Variants in SLCO2A1 observed in about 807,000 individuals in gnomAD.
SLCO2A1 encodes solute carrier organic anion transporter family member 2A1.
A neutral mutation model predicts 71.7 loss-of-function variants in SLCO2A1; 60 were observed. The ratio of observed to expected loss-of-function variants is 0.84; its 90% CI spans 0.68 to 1.04. SLCO2A1 has a LOEUF of 1.04. SLCO2A1 is among the 50% of genes least tolerant of loss of function. The pLI is 0.00. For synonymous variants in SLCO2A1, 308 were observed against 326.7 expected (o/e 0.94, Z 0.62); for missense variants, 745 against 813.4 (o/e 0.92, Z 1.02).
rs78268129 is a variant in SLCO2A1, at chr3:133,947,135, A to C, written c.1295+121T>G. ...GGTGACGGAGCGAGACTCTGTCTCA[A>C]AAAAAAAAAAAAGTGTACAGCAAAG... On this transcript the variant is annotated intron_variant, in intron 9 of 13. Coordinates refer to ENST00000310926, the MANE Select transcript of SLCO2A1 (RefSeq NM_005630.3). The C allele has an allele frequency of 1.2e-5, 7 of 588,862 alleles. No individual in the cohort carries two copies. The East Asian group carries it at 2.9e-4, about 24-fold the overall frequency. The allele number at this position is 588,862 out of a possible 1,614,324, so 36.5% of individuals were successfully genotyped here.
chr3:133,993,242 T>A (rs1341717825), intron 1 of SLCO2A1, among the ~76,000 whole-genome samples: 1 of 152,244 alleles, frequency 6.6e-6, no homozygotes, highest in African/African-American at 2.4e-5. Context: ...ACCAGCTAGG[T>A]CCAGTTCCCG....
At chr3:134,008,234 T>C (rs1935260913) in intron 1 of SLCO2A1, among the ~76,000 whole-genome samples, 1 of 152,246 alleles carries the variant, frequency 6.6e-6, no homozygotes, top group East Asian at 1.9e-4. Flanking sequence ...CAAATCCTTT[T>C]TGCTATCATA....
At chr3:134,022,178 G>A (rs1935602400) in intron 1 of SLCO2A1, among the ~76,000 whole-genome samples, 2 of 151,928 alleles carry the variant, frequency 1.3e-5, no homozygotes. Flanking sequence ...AGAAATATTT[G>A]TAATAAGTCA....
intron 1 of SLCO2A1, among the ~76,000 whole-genome samples, chr3:134,020,322 C>T (rs1375595814): frequency 6.6e-6 from 1 of 152,218 alleles, no homozygotes; most frequent in Admixed American, 6.5e-5. Flanking sequence ...TTGTCTGCGG[C>T]TCATTCTGCT....
chr3:134,009,769 T>C (rs920628893), intron 1 of SLCO2A1, among the ~76,000 whole-genome samples: 3 of 152,246 alleles, frequency 2.0e-5, no homozygotes, highest in Non-Finnish European at 4.4e-5. Context: ...AAATAGGCAG[T>C]TCTGGTGTGT....
At position 133,948,960 on chromosome 3, in the gene SLCO2A1, G is replaced by A. The variant is rs1269363137; in HGVS notation, c.873C>T (p.Ala291=). The change falls in exon 7 of 14, where the codon GCC becomes GCT. Residue 291 remains alanine (A), a synonymous_variant. Transcript: ENST00000310926. ...CCAACTTCCTTGCTTCATCTGCTGT[G>A]GCAGGAGCCCTCTGAAGGCAATAAA... ...AMPIGAKRAP[A]TADEARKLEE... is the part of the protein sequence containing the mutation. The A allele has an allele frequency of 1.3e-5, 21 of 1,614,074 alleles. No individual in the cohort carries two copies. The highest frequency in any genetic ancestry group is 1.8e-5 in the Non-Finnish European group (21 of 1,179,938).
At chr3:134,007,666 C>T (rs187387937) in intron 1 of SLCO2A1, among the ~76,000 whole-genome samples, 1 of 152,218 alleles carries the variant, frequency 6.6e-6, no homozygotes, top group African/African-American at 2.4e-5. Flanking sequence ...TTATTAGTTC[C>T]CTTTTCACCA....
At chr3:134,008,909 G>A (rs969623627) in intron 1 of SLCO2A1, among the ~76,000 whole-genome samples, 7 of 152,214 alleles carry the variant, frequency 4.6e-5, no homozygotes, top group Admixed American at 6.5e-5. Flanking sequence ...TGTGACAACA[G>A]ATGGAAAAAT....
At position 133,938,465 on chromosome 3, in the gene SLCO2A1, CA is replaced by C. The variant is rs1933330366; in HGVS notation, c.1653del (p.Phe551LeufsTer9). On this transcript the variant is annotated frameshift_variant, in exon 12 of 14. Transcript: ENST00000310926. LOFTEE classifies it high-confidence loss of function. The part of the protein sequence containing the change: ...LRVVNQEEKS[F>X]AIGVQFLLMR... ...ATCAACAAGAACTGCACCCCGATGG[CA>C]AATGACTTTTCCTCCTGGTTCACCA... 1 of 1,613,990 alleles carries C rather than the reference CA, an allele frequency of 6.2e-7. No individual in the cohort carries two copies. The highest frequency in any genetic ancestry group is 8.5e-7 in the Non-Finnish European group (1 of 1,180,030).
chr3:134,029,607 G>C (rs1388059210), intron 1 of SLCO2A1, 100 bp downstream of exon 1: 1 of 909,444 alleles, frequency 1.1e-6, no homozygotes, highest in Admixed American at 2.8e-5. Flanking sequence ...GGAGCCCGGG[G>C]CTCCCGGAGC....
intron 1 of SLCO2A1, among the ~76,000 whole-genome samples, chr3:133,994,962 T>C (rs1934932521): frequency 6.6e-6 from 1 of 152,188 alleles, no homozygotes; most frequent in Admixed American, 6.5e-5. Flanking sequence ...TGATCTATTC[T>C]TTAACCAACT....
intron 1 of SLCO2A1, among the ~76,000 whole-genome samples, chr3:133,984,894 G>A (rs1934677599): frequency 6.6e-6 from 1 of 152,284 alleles, no homozygotes; most frequent in South Asian, 2.1e-4. Context: ...GTCTCCTTGA[G>A]CAGCAGGTTT....
intron 3 of SLCO2A1, among the ~76,000 whole-genome samples, chr3:133,966,395 G>A (rs1437607554): frequency 2.6e-5 from 4 of 151,908 alleles, no homozygotes; most frequent in African/African-American, 7.2e-5. Context: ...GAAGCACAAT[G>A]TATGAGACAG....
intron 3 of SLCO2A1, among the ~76,000 whole-genome samples, chr3:133,969,928 C>G (rs899159017): frequency 6.6e-6 from 1 of 152,082 alleles, no homozygotes; most frequent in African/African-American, 2.4e-5. Context: ...AAGCTTCCAC[C>G]AACAGAAATC....
intron 3 of SLCO2A1, among the ~76,000 whole-genome samples, chr3:133,959,891 C>T (rs895863870): frequency 1.2e-4 from 18 of 151,944 alleles, no homozygotes; most frequent in Admixed American, 7.9e-4. Flanking sequence ...GAGGCTGAGG[C>T]GGGCAGATCA....
In SLCO2A1 at chr3:133,945,227, G is replaced by A; in HGVS notation, c.1329C>T (p.Ala443=). ...CTGGGCACGAGCAGTCCCTGCGGCA[G>A]GCAGGAGACTGCGGATGTATAGAAC... ...TSSSIHPQSP[A]CRRDCSCPDS... Residue 443 remains alanine, a synonymous_variant, in exon 10 of 14, where the codon GCC becomes GCT. Transcript: ENST00000310926. 6.2e-7 allele frequency: 1 copy of A among 1,613,132 alleles called. No individual in the cohort carries two copies. Among genetic ancestry groups the A allele is most frequent in the Non-Finnish European group, 8.5e-7 (1 of 1,179,674 alleles).
At chr3:133,951,800 AG>A (rs1236884928) in intron 5 of SLCO2A1, among the ~76,000 whole-genome samples, 1 of 152,192 alleles carries the variant, frequency 6.6e-6, no homozygotes, top group Non-Finnish European at 1.5e-5. Flanking sequence ...AAGGCTAGTA[AG>A]TGCCATTTCA....
chr3:134,000,887 CTCTGCACA>C (rs1387845899), intron 1 of SLCO2A1, among the ~76,000 whole-genome samples: 2 of 152,218 alleles, frequency 1.3e-5, no homozygotes, highest in East Asian at 3.8e-4. Flanking sequence ...CCTTGTTAAA[CTCTGCACA>C]TCTGCACATT....
At chr3:134,023,679 T>C (rs998751121) in intron 1 of SLCO2A1, among the ~76,000 whole-genome samples, 1 of 152,230 alleles carries the variant, frequency 6.6e-6, no homozygotes, top group African/African-American at 2.4e-5. Flanking sequence ...AGTTAAAGAC[T>C]TAAAACAAAC....
Sources: gnomAD v4.1 joint callset for allele counts (sites outside exome capture counted in the v4.1 genomes callset) on GRCh38, gnomAD v4.1.1 for gene constraint, MANE v1.5 for transcripts, NCBI Gene and HGNC (gene_info 2026-07-23, HGNC 2026-07-21) for gene names.